The following ACOT6 variants were observed in gnomAD, a reference collection of about 807,000 sequenced individuals.
The protein encoded by ACOT6 is acyl-CoA thioesterase 6, also known as acyl-coenzyme A thioesterase 6.
Under a neutral mutation model 12.3 loss-of-function variants are expected in ACOT6, and 14 were observed. The ratio of observed to expected loss-of-function variants is 1.14; its 90% CI spans 0.75 to 1.78. The LOEUF (loss-of-function observed/expected upper bound fraction) is 1.78. Among genes scored for constraint, ACOT6 ranks in the 40% most tolerant of loss-of-function variants. The pLI, the probability that ACOT6 is intolerant of heterozygous loss-of-function variation, is 0.00. For synonymous variants in ACOT6, 218 were observed against 231.3 expected (o/e 0.94, Z 0.52); for missense variants, 523 against 551.8 (o/e 0.95, Z 0.52).
In ACOT6 at chr14:73,616,843, C is replaced by G. The variant is rs143681934; in HGVS notation, c.462-151C>G. ...ACCCAATATGTAGTTTTTTATCCCTCTATATTATCATTATTGTTTGAGAAA... is the reference window on the plus strand; with the variant it reads ...ACCCAATATGTAGTTTTTTATCCCTGTATATTATCATTATTGTTTGAGAAA... On this transcript the variant is annotated intron_variant, in intron 1 of 2. Transcript: ENST00000645972. The G allele has an allele frequency of 5.8e-3, 3,302 of 565,658 alleles. 56 individuals are homozygous for G. The highest frequency in any genetic ancestry group is 0.033 in the South Asian group (1,321 of 39,616). 35.0% of individuals were successfully genotyped at this position (565,658 alleles called of 1,614,324 possible).
upstream of ACOT6, among the ~76,000 whole-genome samples, chr14:73,612,220 A>G (rs1220122806): frequency 1.3e-5 from 2 of 151,996 alleles, no homozygotes; most frequent in Non-Finnish European, 1.5e-5. Context: ...TTGTATTTTC[A>G]GTAGAGATGA....
chr14:73,614,596 A>C (rs1012657612), intron 1 of ACOT6, among the ~76,000 whole-genome samples: 2 of 151,786 alleles, frequency 1.3e-5, no homozygotes, highest in Non-Finnish European at 2.9e-5. Context: ...AATACAAAAA[A>C]ATTAGCCAGG....
Position 73,619,277 on chromosome 14 carries a change from G to A in ACOT6, c.704G>A (p.Gly235Asp), listed in dbSNP as rs201661122. The change falls in exon 3 of 3, where the codon GGT becomes GAT. Residue 235 changes from glycine (G) to aspartate (D), a missense_variant. Around this residue, in one of 2 missense-constraint regions of ACOT6, gnomAD observed 219 missense variants for 277.0 expected, o/e 0.79. Transcript: ENST00000645972. The stretch of plus-strand genomic sequence containing the variant: ...GCGCTTCTTGGATTTTCCAAAGGAG[G>A]TGACCTGTGTCTCTCAATGGCTTCT... ...SIALLGFSKG[G>D]DLCLSMASFL... 6.2e-7 allele frequency: 1 copy of A among 1,606,336 alleles called. No homozygotes were observed. Among genetic ancestry groups the A allele is most frequent in the Non-Finnish European group, 8.5e-7 (1 of 1,177,816 alleles).
intron 1 of ACOT6, among the ~76,000 whole-genome samples, chr14:73,614,434 G>A (rs1243782878): frequency 6.6e-6 from 1 of 151,930 alleles, no homozygotes; most frequent in East Asian, 1.9e-4. Context: ...GATATAGTAG[G>A]AGCTCAATAA....
At position 73,619,880 on chromosome 14, in the gene ACOT6, T is replaced by C. The variant is rs747955497; in HGVS notation, c.*41T>C. ...CCAGATACCATTAATAAAAATCCTA[T>C]TCATACAACTTGTGTTGGGTTTTCT... On this transcript the variant is annotated 3_prime_UTR_variant, in exon 3 of 3. Transcript: ENST00000645972. 1 of 1,516,456 alleles carries C rather than the reference T, an allele frequency of 6.6e-7. No individual in the cohort carries two copies. Among genetic ancestry groups the C allele is most frequent in the Non-Finnish European group, 8.8e-7 (1 of 1,142,594 alleles). 93.9% of individuals were successfully genotyped at this position (1,516,456 alleles called of 1,614,324 possible). A position where few individuals can be genotyped will look rare whatever the true frequency, so the allele number is the denominator to read the frequency against.
chr14:73,619,481 A>C lies in ACOT6; in HGVS notation c.908A>C (p.His303Pro). The change falls in exon 3 of 3, where the codon CAC becomes CCC. Residue 303 changes from histidine to proline, a missense_variant. His to Pro is a moderately conservative substitution (Grantham distance 77). Coordinates refer to ENST00000645972, the MANE Select transcript of ACOT6 (RefSeq NM_001365788.1). ...MDTWSNPLEE[H>P]NHQSLVPLEK... is the part of the protein sequence containing the mutation. ...ACTTGGAGCAATCCACTGGAGGAACACAATCACCAAAGTCTTGTTCCATTG... is the reference window on the plus strand; with the variant it reads ...ACTTGGAGCAATCCACTGGAGGAACCCAATCACCAAAGTCTTGTTCCATTG... The C allele has an allele frequency of 6.2e-7, 1 of 1,614,254 alleles. No individual in the cohort carries two copies. The highest frequency in any genetic ancestry group is 8.5e-7 in the Non-Finnish European group (1 of 1,180,038).
Position 73,617,053 on chromosome 14 carries a change from G to A in ACOT6, c.521G>A (p.Arg174Lys). 5 of 1,244,048 alleles carry A rather than the reference G, an allele frequency of 4.0e-6. No homozygotes were observed. Among genetic ancestry groups the A allele is most frequent in the Non-Finnish European group, 3.5e-6 (3 of 847,282 alleles). 77.1% of individuals were successfully genotyped at this position (1,244,048 alleles called of 1,614,324 possible). Reference protein sequence around the residue: ...FGSSRGLCEYRASLLAGHGFA... With the variant: ...FGSSRGLCEYKASLLAGHGFA... ...AGCAGCAGGGGCCTTTGTGAATACA[G>A]GGCCAGCCTCCTGGCCGGACATGGT... Residue 174 changes from arginine to lysine, a missense_variant, in exon 2 of 3, where the codon AGG (arginine) becomes AAG (lysine). Physicochemically the swap from Arg to Lys is conservative, Grantham distance 26. This residue lies in a region of ACOT6 where 304 missense variants were observed against 274.8 expected (regional missense o/e 1.11). Coordinates refer to ENST00000645972, the MANE Select transcript of ACOT6 (RefSeq NM_001365788.1).
At chr14:73,617,836 G>T (rs1360193455) in intron 2 of ACOT6, among the ~76,000 whole-genome samples, 3 of 152,160 alleles carry the variant, frequency 2.0e-5, no homozygotes, top group African/African-American at 7.2e-5. Flanking sequence ...TCTGATAACA[G>T]AAATAATTAA....
chr14:73,616,902 C>T, intron 1 of ACOT6, 92 bp from the exon 2 acceptor site: 1 of 581,528 alleles, frequency 1.7e-6, no homozygotes, highest in Non-Finnish European at 3.1e-6. Context: ...GCCAATCTCT[C>T]TACCCCCAAT....
In ACOT6 at chr14:73,617,192, G is replaced by C. The variant is rs200395101; in HGVS notation, c.660G>C (p.Lys220Asn). ...TGGACTTTATGCTGCAGCATCCAAAGGTGCGTTCTGGTGATCACCTGAGTG... is the reference window on the plus strand; with the variant it reads ...TGGACTTTATGCTGCAGCATCCAAACGTGCGTTCTGGTGATCACCTGAGTG... ...EAVDFMLQHP[K>N]VKGPSIALLG... The change falls in exon 2 of 3, where the codon AAG (lysine) becomes AAC (asparagine). Residue 220 changes from lysine (K) to asparagine (N), a missense_variant and splice_region_variant. Physicochemically the swap from Lys to Asn is moderately conservative, Grantham distance 94. This residue lies in a region of ACOT6 where 219 missense variants were observed against 277.0 expected (regional missense o/e 0.79). Transcript: ENST00000645972. The C allele has an allele frequency of 8.1e-6, 13 of 1,614,184 alleles. 1 individual carries two copies. The African/African-American group carries it at 1.6e-4, about 20-fold the overall frequency.
chr14:73,615,817 C>T (rs551598967), intron 1 of ACOT6, among the ~76,000 whole-genome samples: 2 of 151,918 alleles, frequency 1.3e-5, no homozygotes, highest in East Asian at 1.9e-4. Flanking sequence ...TTGAAGAGGC[C>T]GAGGTGGGAG....
In ACOT6 at chr14:73,619,576, G is replaced by A. The variant is rs1417248158; in HGVS notation, c.1003G>A (p.Ala335Thr). 1.2e-6 allele frequency: 2 copies of A among 1,614,068 alleles called. No homozygotes were observed. The highest frequency in any genetic ancestry group is 1.3e-5 in the African/African-American group (1 of 74,928). The change falls in exon 3 of 3, where the codon GCT becomes ACT. Residue 335 changes from alanine to threonine, a missense_variant. Coordinates refer to ENST00000645972, the MANE Select transcript of ACOT6 (RefSeq NM_001365788.1). ...TCAAAGCTGGAAGAGTGAATTCTAT[G>A]CTCAGATAGCCTCTGAAAGGCTACA... ...DDQSWKSEFYAQIASERLQAH... is the reference protein window; with the variant it reads ...DDQSWKSEFYTQIASERLQAH...
chr14:73,619,038 G>A (rs1039539850), intron 2 of ACOT6, among the ~76,000 whole-genome samples, 196 bp from the exon 3 acceptor site: 9 of 152,134 alleles, frequency 5.9e-5, no homozygotes, highest in Non-Finnish European at 1.0e-4. Flanking sequence ...GCTGAGGCAC[G>A]AGAATTGCTT....
intron 2 of ACOT6, among the ~76,000 whole-genome samples, 190 bp from the exon 3 acceptor site, chr14:73,619,044 T>A (rs893373230): frequency 1.3e-5 from 2 of 152,074 alleles, no homozygotes; most frequent in African/African-American, 4.8e-5. Context: ...GCACGAGAAT[T>A]GCTTGAACCC....
intron 1 of ACOT6, chr14:73,616,751 C>G (rs1020002703): frequency 3.4e-5 from 12 of 349,346 alleles, no homozygotes; most frequent in African/African-American, 2.1e-4. Context: ...TGGGGTTACA[C>G]GGATGAACTG....
At chr14:73,612,307 T>C (rs978217864), upstream of ACOT6, among the ~76,000 whole-genome samples, 3 of 152,112 alleles carry the variant, frequency 2.0e-5, no homozygotes, top group Non-Finnish European at 4.4e-5. Context: ...CTCCCAAAGT[T>C]CTAGGATCAC....
At chr14:73,611,785 C>T (rs1468462928), upstream of ACOT6, among the ~76,000 whole-genome samples, 1 of 152,158 alleles carries the variant, frequency 6.6e-6, no homozygotes, top group Non-Finnish European at 1.5e-5. Flanking sequence ...GACCAGAACT[C>T]GGCTAGGTCT....
At chr14:73,615,453 G>T (rs927157427) in intron 1 of ACOT6, among the ~76,000 whole-genome samples, 2 of 146,640 alleles carry the variant, frequency 1.4e-5, no homozygotes, top group South Asian at 4.3e-4. Context: ...AAACAAGACT[G>T]GGCGCAGTGG....
chr14:73,614,834 C>T (rs916945861), intron 1 of ACOT6, among the ~76,000 whole-genome samples: 7 of 151,828 alleles, frequency 4.6e-5, no homozygotes, highest in South Asian at 2.1e-4. Context: ...CAGTGGCTCA[C>T]GCCTGTAATC....
Sources: gnomAD v4.1 joint callset for allele counts (sites outside exome capture counted in the v4.1 genomes callset) on GRCh38, gnomAD v4.1.1 for gene constraint, gnomAD v4.1.1 regional missense constraint, MANE v1.5 for transcripts, NCBI Gene and HGNC (gene_info 2026-07-23, HGNC 2026-07-21) for gene names.